The following CYTH1 variants were observed in gnomAD, a reference collection of about 807,000 sequenced individuals.
The protein encoded by CYTH1 is cytohesin 1.
CYTH1 carries 18 observed loss-of-function variants against 61.8 expected under a neutral mutation model. That is an observed-to-expected ratio of 0.29 (90% CI 0.20 to 0.43). The LOEUF (loss-of-function observed/expected upper bound fraction) is 0.43, where lower values mean the gene tolerates loss of function less well. Ranked by LOEUF, CYTH1 falls within the 20% of genes least tolerant of loss-of-function variation. The pLI, the probability that CYTH1 is intolerant of heterozygous loss-of-function variation, is 1.00. For missense variants in CYTH1, 336 were observed against 510.5 expected (o/e 0.66, Z 3.29); for synonymous variants, 174 against 184.3 (o/e 0.94, Z 0.45).
intron 7 of CYTH1, among the ~76,000 whole-genome samples, chr17:78,699,207 T>C (rs1448534526): frequency 1.3e-5 from 2 of 151,882 alleles, no homozygotes; most frequent in African/African-American, 4.8e-5. Flanking sequence ...TCTACTAAAA[T>C]ACAAAAATTA....
At chr17:78,729,432 A>G (rs1212808651) in intron 1 of CYTH1, among the ~76,000 whole-genome samples, 1 of 152,248 alleles carries the variant, frequency 6.6e-6, no homozygotes, top group Non-Finnish European at 1.5e-5. Flanking sequence ...TGCAAATTAA[A>G]ACATGAATAA....
In CYTH1 at chr17:78,674,248, CAT is replaced by C. The variant is rs2092672203; in HGVS notation, c.*1841_*1842del. On this transcript the variant is annotated 3_prime_UTR_variant, in exon 14 of 14. Transcript: ENST00000446868. ...ATAATCTAAAAGGAGAAAAACTATA[CAT>C]AGATTATTTACACCTCTGATAAATA... 1 of 152,636 alleles carries C rather than the reference CAT, an allele frequency of 6.6e-6. No homozygotes were observed. Among genetic ancestry groups the C allele is most frequent in the South Asian group, 2.1e-4 (1 of 4,832 alleles). 9.5% of individuals were successfully genotyped at this position (152,636 alleles called of 1,614,324 possible).
At chr17:78,681,884 C>T (rs371176227) in intron 11 of CYTH1, among the ~76,000 whole-genome samples, 1 of 151,426 alleles carries the variant, frequency 6.6e-6, no homozygotes, top group Admixed American at 6.6e-5. Context: ...TCTCTAAAAG[C>T]GAAAAAGAGT....
intron 1 of CYTH1, among the ~76,000 whole-genome samples, chr17:78,729,903 T>C (rs1311077441): frequency 6.6e-6 from 1 of 151,798 alleles, no homozygotes; most frequent in Non-Finnish European, 1.5e-5. Context: ...GGAAAGAGAG[T>C]GGGGGAGGCC....
At chr17:78,769,010 G>C (rs942572089) in intron 1 of CYTH1, among the ~76,000 whole-genome samples, 5 of 152,048 alleles carry the variant, frequency 3.3e-5, no homozygotes, top group African/African-American at 1.2e-4. Flanking sequence ...GCCAGGTGTG[G>C]TGGCACATGC....
At chr17:78,731,175 T>G (rs530320072) in intron 1 of CYTH1, among the ~76,000 whole-genome samples, 1 of 152,286 alleles carries the variant, frequency 6.6e-6, no homozygotes, top group South Asian at 2.1e-4. Flanking sequence ...AACTCAACAG[T>G]GGCTGTTGAA....
intron 1 of CYTH1, among the ~76,000 whole-genome samples, chr17:78,773,121 C>T (rs961585561): frequency 6.6e-6 from 1 of 152,134 alleles, no homozygotes; most frequent in Admixed American, 6.6e-5. Context: ...GCATGAGCCA[C>T]CATGCCCAGC....
chr17:78,736,591 C>T lies in CYTH1; in HGVS notation c.23-26859G>A, dbSNP rs2075957698. ...TCCCCAAAAGGCTCAGTAAACTATCCTCACAGGATTTCACATACTAATGAA... is the reference window on the plus strand; with the variant it reads ...TCCCCAAAAGGCTCAGTAAACTATCTTCACAGGATTTCACATACTAATGAA... On this transcript the variant is annotated intron_variant, in intron 1 of 13. Transcript: ENST00000446868. 1.3e-5 allele frequency: 3 copies of T among 224,934 alleles called. No individual in the cohort carries two copies. The South Asian group carries it at 1.4e-4, about 10-fold the overall frequency. The allele number at this position is 224,934 out of a possible 1,614,324, so 13.9% of individuals were successfully genotyped here.
intron 1 of CYTH1, among the ~76,000 whole-genome samples, chr17:78,777,215 C>T (rs980032500): frequency 5.3e-5 from 8 of 151,208 alleles, no homozygotes; most frequent in African/African-American, 1.9e-4. Flanking sequence ...GTCAGGAGAT[C>T]GAGACCATCC....
At chr17:78,728,155 T>C (rs1158771129) in intron 1 of CYTH1, among the ~76,000 whole-genome samples, 1 of 152,216 alleles carries the variant, frequency 6.6e-6, no homozygotes. Flanking sequence ...GCCTCTCATC[T>C]AGACAGGAAA....
At chr17:78,752,347 A>G (rs2093383558) in intron 1 of CYTH1, among the ~76,000 whole-genome samples, 1 of 152,230 alleles carries the variant, frequency 6.6e-6, no homozygotes, top group Non-Finnish European at 1.5e-5. Flanking sequence ...TTTAAAAAGT[A>G]CCTAATTGGA....
intron 1 of CYTH1, among the ~76,000 whole-genome samples, chr17:78,720,150 A>G (rs2144526369): frequency 6.6e-6 from 1 of 152,198 alleles, no homozygotes; most frequent in Middle Eastern, 3.4e-3. Context: ...TGCAAGATGA[A>G]AAAGTTCTAG....
At chr17:78,765,558 G>T (rs1439161690) in intron 1 of CYTH1, among the ~76,000 whole-genome samples, 1 of 152,148 alleles carries the variant, frequency 6.6e-6, no homozygotes, top group Non-Finnish European at 1.5e-5. Context: ...CTATTCAGAA[G>T]TCCAAGAGGG....
chr17:78,758,156 C>T (rs1276946065), intron 1 of CYTH1, among the ~76,000 whole-genome samples: 1 of 152,184 alleles, frequency 6.6e-6, no homozygotes, highest in African/African-American at 2.4e-5. Flanking sequence ...AAGAATGTTA[C>T]AGGATTCTTT....
At chr17:78,676,824 C>A in intron 13 of CYTH1, 1 of 363,030 alleles carries the variant, frequency 2.8e-6, no homozygotes, top group Non-Finnish European at 5.5e-6. Context: ...GGCTGGAGCA[C>A]CTGCAGTGGA....
chr17:78,698,181 G>T, intron 9 of CYTH1, 88 bp downstream of exon 9: 1 of 1,072,586 alleles, frequency 9.3e-7, no homozygotes, highest in Non-Finnish European at 1.4e-6. Context: ...ACGCACACGC[G>T]CACACACGCA....
intron 1 of CYTH1, among the ~76,000 whole-genome samples, chr17:78,725,519 C>T (rs2093261730): frequency 3.3e-5 from 5 of 152,196 alleles, no homozygotes; most frequent in Admixed American, 3.3e-4. Flanking sequence ...GGTTTTTACA[C>T]AAATACACAT....
intron 1 of CYTH1, among the ~76,000 whole-genome samples, chr17:78,710,436 G>A (rs2093117222): frequency 1.3e-5 from 2 of 152,086 alleles, no homozygotes; most frequent in Admixed American, 6.6e-5. Context: ...AAATACTTCT[G>A]CCATCCTCCA....
At chr17:78,698,748 T>C in intron 8 of CYTH1, 72 bp downstream of exon 8, 1 of 1,464,166 alleles carries the variant, frequency 6.8e-7, no homozygotes, top group Non-Finnish European at 9.1e-7. Context: ...TTTTCTTCCT[T>C]CCTACAAAAG....
Sources: gnomAD v4.1 joint callset for allele counts (sites outside exome capture counted in the v4.1 genomes callset) on GRCh38, gnomAD v4.1.1 for gene constraint, MANE v1.5 for transcripts, NCBI Gene and HGNC (gene_info 2026-07-23, HGNC 2026-07-21) for gene names.